Variants in MAP2 observed in about 807,000 individuals in gnomAD.
MAP2 encodes the protein microtubule-associated protein 2.
MAP2 carries 14 observed loss-of-function variants against 137.6 expected under a neutral mutation model. That is an observed-to-expected ratio of 0.10 (90% CI 0.07 to 0.16). The LOEUF (loss-of-function observed/expected upper bound fraction) is 0.16, where lower values mean the gene tolerates loss of function less well. MAP2 is among the 10% of genes least tolerant of loss of function. The pLI, the probability that MAP2 is intolerant of heterozygous loss-of-function variation, is 1.00. For missense variants in MAP2, 2,088 were observed against 2,191.5 expected, an observed-to-expected ratio of 0.95 and a Z score of 0.94; for synonymous variants, 786 against 782.3, an observed-to-expected ratio of 1.00 and a Z score of -0.08.
At chr2:209,578,346 G>A (rs1194040496) in intron 2 of MAP2, among the ~76,000 whole-genome samples, 2 of 151,890 alleles carry the variant, frequency 1.3e-5, no homozygotes, top group Non-Finnish European at 2.9e-5. Context: ...CAGAAAGGTG[G>A]CTCAAGGAGA....
At chr2:209,618,319 G>T (rs1467846924) in intron 3 of MAP2, among the ~76,000 whole-genome samples, 2 of 151,964 alleles carry the variant, frequency 1.3e-5, no homozygotes, top group Admixed American at 6.6e-5. Flanking sequence ...AAAATGTGAG[G>T]GTTTGTAACA....
intron 4 of MAP2, among the ~76,000 whole-genome samples, chr2:209,626,603 C>T (rs1036522644): frequency 6.6e-6 from 1 of 152,130 alleles, no homozygotes; most frequent in African/African-American, 2.4e-5. Context: ...TATAACCTTC[C>T]TGTGTGTGTT....
chr2:209,704,367 T>C, intron 11 of MAP2: 4 of 1,216,154 alleles, frequency 3.3e-6, no homozygotes, highest in Admixed American at 2.5e-5. Context: ...GAGTTTCTTA[T>C]ATGTTTATAC....
chr2:209,507,699 T>C (rs2061241785), intron 2 of MAP2, 58 bp downstream of exon 2: 1 of 152,166 alleles, frequency 6.6e-6, no homozygotes, highest in Non-Finnish European at 1.5e-5. Context: ...AAAGGCATCA[T>C]GGGTCTTTAG....
chr2:209,620,760 G>A (rs919165073), intron 3 of MAP2, among the ~76,000 whole-genome samples: 6 of 152,200 alleles, frequency 3.9e-5, no homozygotes, highest in Non-Finnish European at 8.8e-5. Context: ...TCCTGGACAA[G>A]TGCACTAAAT....
intron 2 of MAP2, among the ~76,000 whole-genome samples, chr2:209,577,277 C>T (rs1193438619): frequency 6.6e-6 from 1 of 151,780 alleles, no homozygotes; most frequent in Non-Finnish European, 1.5e-5. Context: ...AACCTGAAAT[C>T]TCTTGTGATT....
intron 1 of MAP2, among the ~76,000 whole-genome samples, chr2:209,478,677 A>G (rs1018287744): frequency 2.6e-5 from 4 of 152,226 alleles, no homozygotes; most frequent in African/African-American, 9.6e-5. Flanking sequence ...TTTATCATAC[A>G]TTATTAAAAT....
chr2:209,583,143 G>GTCTGTCTA (rs1416837546), intron 3 of MAP2, among the ~76,000 whole-genome samples: 1 of 94,022 alleles, frequency 1.1e-5, no homozygotes, highest in Non-Finnish European at 2.3e-5. Context: ...CCATCTGTCT[G>GTCTGTCTA]TCTGTCTATC....
At chr2:209,612,528 C>G (rs946867102) in intron 3 of MAP2, among the ~76,000 whole-genome samples, 1 of 152,124 alleles carries the variant, frequency 6.6e-6, no homozygotes, top group Non-Finnish European at 1.5e-5. Context: ...AAATTGGGAG[C>G]CAGAATTTTT....
chr2:209,560,334 C>T (rs113730825), intron 2 of MAP2, among the ~76,000 whole-genome samples: 3,002 of 152,136 alleles, frequency 0.02, 95 homozygotes, highest in African/African-American at 0.068. Context: ...ACTTTTCTTA[C>T]ATTTATTTAG....
intron 1 of MAP2, among the ~76,000 whole-genome samples, chr2:209,495,232 G>A (rs1308546790): frequency 6.6e-6 from 1 of 152,218 alleles, no homozygotes. Flanking sequence ...CAGAGCACCT[G>A]GGGGAAGAGG....
intron 1 of MAP2, among the ~76,000 whole-genome samples, chr2:209,462,130 T>C (rs562130005): frequency 2.0e-5 from 3 of 152,346 alleles, no homozygotes; most frequent in African/African-American, 7.2e-5. Context: ...GTTAATTCAA[T>C]TCAATTTTTG....
Position 209,593,906 on chromosome 2 carries a change from G to T in MAP2, c.-107+13806G>T, listed in dbSNP as rs12615261. Among the ~76,000 whole-genome samples the T allele has an allele frequency of 6.5e-4, 76 of 117,236 alleles. 1 individual carries two copies. In the South Asian group the frequency reaches 8.6e-3, roughly 13 times the overall value. 76.9% of individuals were successfully genotyped at this position (117,236 alleles called of 152,430 possible). On this transcript the variant is annotated intron_variant, in intron 3 of 15. Transcript: ENST00000682079. ...ATATTTATATTATTAAAATATATAA[G>T]TATATATTTATATTATTAAAATATA...
chr2:209,522,302 A>G (rs898391305), intron 2 of MAP2, among the ~76,000 whole-genome samples: 2 of 152,168 alleles, frequency 1.3e-5, no homozygotes, highest in Admixed American at 1.3e-4. Context: ...ATGCAAAACC[A>G]ATGGCACCTG....
chr2:209,586,033 G>C (rs1435285681), intron 3 of MAP2, among the ~76,000 whole-genome samples: 1 of 151,990 alleles, frequency 6.6e-6, no homozygotes, highest in African/African-American at 2.4e-5. Flanking sequence ...TTTAAATCTG[G>C]GTCTGACTCT....
At chr2:209,690,768 C>T in intron 7 of MAP2, 2 of 1,289,780 alleles carry the variant, frequency 1.6e-6, no homozygotes, top group Non-Finnish European at 2.0e-6. Context: ...AGTGCCCCAG[C>T]AGGGGCCCCA....
At chr2:209,606,778 G>A (rs983461699) in intron 3 of MAP2, among the ~76,000 whole-genome samples, 5 of 152,106 alleles carry the variant, frequency 3.3e-5, no homozygotes, top group Non-Finnish European at 7.4e-5. Context: ...CCTGCTTGGA[G>A]CTAAGTAACT....
chr2:209,579,929 T>A (rs1340556125), intron 2 of MAP2, 107 bp from the exon 3 acceptor site: 2 of 151,806 alleles, frequency 1.3e-5, no homozygotes, highest in Non-Finnish European at 2.9e-5. Flanking sequence ...GATTTATTAT[T>A]TGAGTATAAA....
At chr2:209,476,428 C>T (rs370939642) in intron 1 of MAP2, among the ~76,000 whole-genome samples, 3 of 145,822 alleles carry the variant, frequency 2.1e-5, no homozygotes, top group Non-Finnish European at 4.5e-5. Context: ...TTCTGCTATA[C>T]GTATAATTCA....
Sources: gnomAD v4.1 joint callset for allele counts (sites outside exome capture counted in the v4.1 genomes callset) on GRCh38, gnomAD v4.1.1 for gene constraint, MANE v1.5 for transcripts, NCBI Gene and HGNC (gene_info 2026-07-23, HGNC 2026-07-21) for gene names.